Variants in UBE3C observed in about 807,000 individuals in gnomAD.
UBE3C encodes the protein ubiquitin-protein ligase E3C.
A neutral mutation model predicts 129.4 loss-of-function variants in UBE3C; 42 were observed. That is an observed-to-expected ratio of 0.32 (90% CI 0.25 to 0.42). The LOEUF (loss-of-function observed/expected upper bound fraction) is 0.42, where lower values mean the gene tolerates loss of function less well. UBE3C is among the 10% of genes least tolerant of loss of function. The pLI is 1.00. For synonymous variants in UBE3C, 510 were observed against 492.4 expected, an observed-to-expected ratio of 1.04 and a Z score of -0.47; for missense variants, 1,049 against 1,319.1, an observed-to-expected ratio of 0.80 and a Z score of 3.17.
In UBE3C at chr7:157,207,951, AT is replaced by A; in HGVS notation, c.1809+23del. ...GTTATTTAAGGTATAGAGTATATGT[AT>A]TTTTTTGTTTACTGACATTGAAAAA... On this transcript the variant is annotated intron_variant, in intron 13 of 22. Coordinates refer to ENST00000348165, the MANE Select transcript of UBE3C (RefSeq NM_014671.3). 2 of 1,378,644 alleles carry A rather than the reference AT, an allele frequency of 1.5e-6. No individual in the cohort carries two copies. 85.4% of individuals were successfully genotyped at this position (1,378,644 alleles called of 1,614,324 possible).
intron 4 of UBE3C, 71 bp from the exon 5 acceptor site, chr7:157,174,848 G>A (rs1808472373): frequency 1.7e-6 from 2 of 1,145,428 alleles, no homozygotes; most frequent in African/African-American, 1.6e-5. Context: ...AGGAAATTTG[G>A]GGTATTATGT....
intron 1 of UBE3C, among the ~76,000 whole-genome samples, chr7:157,154,533 A>C (rs577906816): frequency 6.6e-6 from 1 of 152,084 alleles, no homozygotes; most frequent in Admixed American, 6.6e-5. Context: ...CGGCATCTTT[A>C]TATTTGTTAT....
intron 1 of UBE3C, among the ~76,000 whole-genome samples, chr7:157,146,993 C>T (rs1807623681): frequency 6.6e-6 from 1 of 152,054 alleles, no homozygotes; most frequent in Non-Finnish European, 1.5e-5. Context: ...CTTCGACTTC[C>T]TTCTTCTTTA....
intron 1 of UBE3C, among the ~76,000 whole-genome samples, chr7:157,145,815 TAG>T (rs1807589153): frequency 6.6e-6 from 1 of 152,144 alleles, no homozygotes; most frequent in African/African-American, 2.4e-5. Context: ...GAAACTATAA[TAG>T]AGTCCTCAAA....
chr7:157,197,979 A>C, intron 10 of UBE3C: 1 of 1,609,534 alleles, frequency 6.2e-7, no homozygotes, highest in East Asian at 2.2e-5. Context: ...TCTAGGTTTT[A>C]TGTATTCTTG....
intron 8 of UBE3C, among the ~76,000 whole-genome samples, 197 bp downstream of exon 8, chr7:157,182,525 A>G (rs1808694412): frequency 6.6e-6 from 1 of 152,126 alleles, no homozygotes; most frequent in African/African-American, 2.4e-5. Context: ...ACTGACATAT[A>G]TATGTGTCTT....
chr7:157,182,665 G>A (rs1281456684), intron 8 of UBE3C, among the ~76,000 whole-genome samples: 3 of 151,572 alleles, frequency 2.0e-5, no homozygotes, highest in African/African-American at 7.3e-5. Context: ...TCTTCCTGTA[G>A]TATGTTTGAA....
At chr7:157,181,998 A>T in intron 7 of UBE3C, 110 bp from the exon 8 acceptor site, 1 of 1,165,268 alleles carries the variant, frequency 8.6e-7, no homozygotes, top group Non-Finnish European at 1.2e-6. Context: ...TGGCTAATTT[A>T]GAAGAGTAGA....
chr7:157,239,113 T>C (rs1240836205), intron 18 of UBE3C, among the ~76,000 whole-genome samples: 1 of 152,160 alleles, frequency 6.6e-6, no homozygotes, highest in Non-Finnish European at 1.5e-5. Context: ...CCACATCATA[T>C]CACAAGAGAA....
At chr7:157,245,676 G>T (rs1300642553) in intron 18 of UBE3C, among the ~76,000 whole-genome samples, 2 of 152,134 alleles carry the variant, frequency 1.3e-5, no homozygotes. Flanking sequence ...TAATACTTTG[G>T]TTTACCTGGC....
At position 157,207,022 on chromosome 7, in the gene UBE3C, G is replaced by A. The variant is rs1809452810; in HGVS notation, c.1419-376G>A. ...GATTTGCCTTTATTAAATATGTTGA[G>A]TAGAAGGGAAGGGGGATGGTTTCCT... On this transcript the variant is annotated intron_variant, in intron 11 of 22. Coordinates refer to ENST00000348165, the MANE Select transcript of UBE3C (RefSeq NM_014671.3). Among the ~76,000 whole-genome samples the A allele has an allele frequency of 2.0e-5, 3 of 152,220 alleles. No homozygotes were observed. The South Asian group carries it at 6.2e-4, about 31-fold the overall frequency.
chr7:157,229,845 T>G (rs958358598), intron 17 of UBE3C, among the ~76,000 whole-genome samples: 1 of 152,184 alleles, frequency 6.6e-6, no homozygotes, highest in Non-Finnish European at 1.5e-5. Flanking sequence ...ACTCCTGGCC[T>G]CAGGCAGTCC....
chr7:157,171,545 C>A (rs1808365624), intron 4 of UBE3C, among the ~76,000 whole-genome samples: 1 of 150,882 alleles, frequency 6.6e-6, no homozygotes, highest in Non-Finnish European at 1.5e-5. Context: ...GAAAATACAA[C>A]CAGATGCATA....
intron 1 of UBE3C, among the ~76,000 whole-genome samples, chr7:157,157,362 A>G (rs886257614): frequency 1.1e-4 from 17 of 152,222 alleles, no homozygotes; most frequent in African/African-American, 4.1e-4. Context: ...GAATATTTGT[A>G]GCATCATGAA....
intron 10 of UBE3C, among the ~76,000 whole-genome samples, chr7:157,196,086 T>C (rs1441512088): frequency 1.3e-5 from 2 of 152,008 alleles, no homozygotes; most frequent in Non-Finnish European, 2.9e-5. Flanking sequence ...TCCAGGGTGG[T>C]GTCAGAGAGA....
rs546758893 is a variant in UBE3C at position 157,239,384 on chromosome 7, C to T, written c.2481+8057C>T. ...GATTTCATTTATGGAAGTTCAGAAA[C>T]AAGCAAAGCTCCTTGCAGTTTTTGG... is the stretch of plus-strand genomic sequence containing the variant. On this transcript the variant is annotated intron_variant, in intron 18 of 22. Coordinates refer to ENST00000348165, the MANE Select transcript of UBE3C (RefSeq NM_014671.3). Among the ~76,000 whole-genome samples the T allele has an allele frequency of 2.2e-3, 340 of 152,266 alleles. 2 individuals carry two copies. The highest frequency in any genetic ancestry group is 7.9e-3 in the African/African-American group (328 of 41,558).
chr7:157,189,336 G>A (rs1021589014), intron 10 of UBE3C: 5 of 179,164 alleles, frequency 2.8e-5, no homozygotes, highest in South Asian at 2.0e-4. Flanking sequence ...ACCATTGGAC[G>A]TGGAAATTTG....
intron 6 of UBE3C, among the ~76,000 whole-genome samples, chr7:157,180,547 G>T (rs1476797912): frequency 6.6e-6 from 1 of 151,866 alleles, no homozygotes; most frequent in Non-Finnish European, 1.5e-5. Context: ...TCAAAAACTA[G>T]CCCATGCAGA....
intron 4 of UBE3C, among the ~76,000 whole-genome samples, chr7:157,171,686 A>ATATT (rs1563039077): frequency 8.0e-5 from 3 of 37,628 alleles, no homozygotes; most frequent in Non-Finnish European, 1.6e-4. Context: ...ATATATATAT[A>ATATT]TTTTTTTTTT....
Sources: allele counts gnomAD v4.1 joint callset (sites outside exome capture counted in the v4.1 genomes callset), GRCh38; gene constraint gnomAD v4.1.1; transcripts MANE v1.5; gene names NCBI Gene and HGNC (gene_info 2026-07-23, HGNC 2026-07-21).